ALMS1: variants seen among roughly 807,000 people sequenced by gnomAD.
ALMS1 encodes centrosome-associated protein ALMS1.
Under a neutral mutation model 352.2 loss-of-function variants are expected in ALMS1, and 271 were observed. That is an observed-to-expected ratio of 0.77 (90% CI 0.70 to 0.85). ALMS1 has a LOEUF of 0.85. Among genes scored for constraint, ALMS1 ranks in the 40% least tolerant of loss-of-function variants. ALMS1 has a pLI of 0.00. For synonymous variants in ALMS1, 1,865 were observed against 1,761.2 expected, an observed-to-expected ratio of 1.06 and a Z score of -1.48; for missense variants, 5,445 against 4,870.7, an observed-to-expected ratio of 1.12 and a Z score of -3.51.
chr2:73,554,644 C>T (rs1162812607), intron 13 of ALMS1, among the ~76,000 whole-genome samples: 5 of 151,988 alleles, frequency 3.3e-5, no homozygotes, highest in Admixed American at 1.3e-4. Flanking sequence ...ACCTGGGAGG[C>T]GGAGCTTGCA....
At chr2:73,578,833 A>G (rs1675108995) in intron 16 of ALMS1, among the ~76,000 whole-genome samples, 1 of 152,168 alleles carries the variant, frequency 6.6e-6, no homozygotes, top group Non-Finnish European at 1.5e-5. Flanking sequence ...TACAAACCAG[A>G]AGTATAATAG....
Position 73,550,427 on chromosome 2 carries a change from T to C in ALMS1, c.10068T>C (p.Asn3356=). The C allele has an allele frequency of 6.2e-7, 1 of 1,614,140 alleles. No homozygotes were observed. Among genetic ancestry groups the C allele is most frequent in the Non-Finnish European group, 8.5e-7 (1 of 1,179,978 alleles). The change falls in exon 13 of 23, where the codon AAT becomes AAC. Residue 3356 remains asparagine, a synonymous_variant. Coordinates refer to ENST00000613296, the MANE Select transcript of ALMS1 (RefSeq NM_001378454.1). ...SLPVGEKPLQ[N]ENADASVQVL... is the part of the protein sequence containing the mutation. ...CAGTGGGAGAAAAACCCTTGCAGAA[T>C]GAAAATGCAGGTAACTGGATTGGCT... is the stretch of plus-strand genomic sequence containing the variant.
At chr2:73,571,731 T>A (rs185295562) in intron 15 of ALMS1, among the ~76,000 whole-genome samples, 5 of 151,696 alleles carry the variant, frequency 3.3e-5, no homozygotes, top group East Asian at 3.9e-4. Flanking sequence ...TAAAAAAAAA[T>A]TTGGAAAAAA....
In ALMS1 at chr2:73,519,933, G is replaced by A. The variant is rs781167098; in HGVS notation, c.9698G>A (p.Gly3233Asp). Reference protein sequence around the residue: ...EDRGHEIIEPGNQKLRKAPVK... With the variant: ...EDRGHEIIEPDNQKLRKAPVK... ...CGTGGACATGAAATTATAGAGCCTG[G>A]TAACCAGAAGCTACGCAAAGCTCCT... The change falls in exon 11 of 23, where the codon GGT becomes GAT. Residue 3233 changes from glycine to aspartate, a missense_variant. Physicochemically the swap from Gly to Asp is moderately conservative, Grantham distance 94. Coordinates refer to ENST00000613296, the MANE Select transcript of ALMS1 (RefSeq NM_001378454.1). 1 of 1,613,942 alleles carries A rather than the reference G, an allele frequency of 6.2e-7. No individual in the cohort carries two copies. Among genetic ancestry groups the A allele is most frequent in the African/African-American group, 1.3e-5 (1 of 74,894 alleles).
chr2:73,395,069 TA>T (rs1670731247), intron 1 of ALMS1, among the ~76,000 whole-genome samples: 1 of 117,078 alleles, frequency 8.5e-6, no homozygotes, highest in African/African-American at 4.1e-5. Flanking sequence ...TGTATATATA[TA>T]TATATATATT....
At position 73,386,272 on chromosome 2, in the gene ALMS1, A is replaced by T. The variant is rs956885717; in HGVS notation, c.324+80A>T. ...GGCCCCGAGCGCTCCGCCCGCCCGCAGGTCACGCCGCCTGACGGAGAAAAC... is the reference window on the plus strand; with the variant it reads ...GGCCCCGAGCGCTCCGCCCGCCCGCTGGTCACGCCGCCTGACGGAGAAAAC... On this transcript the variant is annotated intron_variant, in intron 1 of 22. Transcript: ENST00000613296. 4.2e-6 allele frequency: 6 copies of T among 1,415,958 alleles called. No individual in the cohort carries two copies. In the Admixed American group the frequency reaches 1.7e-4, roughly 40 times the overall value. The allele number at this position is 1,415,958 out of a possible 1,614,324, so 87.7% of individuals were successfully genotyped here.
chr2:73,484,472 G>A (rs1672783283), intron 9 of ALMS1, among the ~76,000 whole-genome samples: 2 of 151,322 alleles, frequency 1.3e-5, no homozygotes, highest in South Asian at 4.2e-4. Context: ...TCCCTTTGTG[G>A]GTAATCCGAC....
intron 10 of ALMS1, among the ~76,000 whole-genome samples, chr2:73,495,027 C>A (rs1041429890): frequency 2.6e-5 from 4 of 152,046 alleles, no homozygotes; most frequent in African/African-American, 9.7e-5. Context: ...CTCATTTATT[C>A]CGCCCTAGGT....
chr2:73,543,501 C>A (rs1454940565), intron 12 of ALMS1, among the ~76,000 whole-genome samples: 1 of 152,054 alleles, frequency 6.6e-6, no homozygotes, highest in Non-Finnish European at 1.5e-5. Flanking sequence ...GCAACAAAAG[C>A]CAAAATTGAC....
At chr2:73,410,080 G>A (rs1671046855) in intron 2 of ALMS1, among the ~76,000 whole-genome samples, 1 of 152,132 alleles carries the variant, frequency 6.6e-6, no homozygotes, top group Admixed American at 6.5e-5. Context: ...AGATTCAAAT[G>A]TTAATCTCAT....
chr2:73,474,290 TTAAG>T (rs1383824990), intron 9 of ALMS1, among the ~76,000 whole-genome samples: 3 of 151,960 alleles, frequency 2.0e-5, no homozygotes, highest in African/African-American at 4.8e-5. Flanking sequence ...TTATTGATTT[TTAAG>T]TAAGTTTTGT....
rs566913555 is a variant in ALMS1 at position 73,431,856 on chromosome 2, G to A, written c.1339-342G>A. 1.3e-3 allele frequency among the ~76,000 whole-genome samples: 203 copies of A among 152,232 alleles called. 1 individual carries two copies. Among genetic ancestry groups the A allele is most frequent in the African/African-American group, 3.5e-3 (147 of 41,548 alleles). ...AATAATCCCATGGTTCAAATTCTGC[G>A]ATGATCATAAGGAGCAAACTTCTGA... On this transcript the variant is annotated intron_variant, in intron 6 of 22. Coordinates refer to ENST00000613296, the MANE Select transcript of ALMS1 (RefSeq NM_001378454.1).
rs1431117583 is a variant in ALMS1 at position 73,573,335 on chromosome 2, C to T, written c.11458C>T (p.Leu3820Phe). The T allele has an allele frequency of 6.2e-7, 1 of 1,614,034 alleles. No individual in the cohort carries two copies. The highest frequency in any genetic ancestry group is 8.5e-7 in the Non-Finnish European group (1 of 1,179,980). Reference protein sequence around the residue: ...SSITNQQRRYLEKRSKHSKKV... With the variant: ...SSITNQQRRYFEKRSKHSKKV... ...CATCACCAACCAACAGAGGAGATAC[C>T]TTGAGAAGCGGAGCAAACACAGCAA... is the stretch of plus-strand genomic sequence containing the variant. Residue 3820 changes from leucine (L) to phenylalanine (F), a missense_variant, in exon 16 of 23, where the codon CTT (leucine) becomes TTT (phenylalanine). Leu to Phe is a conservative substitution (Grantham distance 22). Transcript: ENST00000613296.
chr2:73,472,917 C>T (rs1266466724), intron 9 of ALMS1, among the ~76,000 whole-genome samples: 3 of 151,964 alleles, frequency 2.0e-5, no homozygotes, highest in African/African-American at 7.3e-5. Flanking sequence ...TATTTAAAAG[C>T]CAGAGTATCA....
intron 9 of ALMS1, among the ~76,000 whole-genome samples, chr2:73,467,729 T>C (rs1672385871): frequency 6.6e-6 from 1 of 152,094 alleles, no homozygotes; most frequent in East Asian, 1.9e-4. Context: ...TTATGCTTTA[T>C]TCATCCAGTG....
chr2:73,393,304 G>A (rs180766840), intron 1 of ALMS1, among the ~76,000 whole-genome samples: 1 of 151,816 alleles, frequency 6.6e-6, no homozygotes, highest in African/African-American at 2.4e-5. Context: ...ATTACATGTA[G>A]GTCTTTGATC....
At position 73,490,949 on chromosome 2, in the gene ALMS1, A is replaced by C. The variant is rs767828663; in HGVS notation, c.8990A>C (p.Lys2997Thr). ...CAAGGTCAGGATTGTGTAGTGGAAA[A>C]GAATAATCAACATAAGCCTAAATCA... Reference protein sequence around the residue: ...LPQGQDCVVEKNNQHKPKSHI... With the variant: ...LPQGQDCVVETNNQHKPKSHI... Residue 2997 changes from lysine (K) to threonine (T), a missense_variant, in exon 10 of 23, where the codon AAG becomes ACG. Physicochemically the swap from Lys to Thr is moderately conservative, Grantham distance 78 (BLOSUM62 -1). Coordinates refer to ENST00000613296, the MANE Select transcript of ALMS1 (RefSeq NM_001378454.1). The C allele has an allele frequency of 6.2e-7, 1 of 1,614,216 alleles. No homozygotes were observed. The highest frequency in any genetic ancestry group is 1.7e-5 in the Admixed American group (1 of 60,028).
At chr2:73,462,845 C>T (rs937386686) in intron 9 of ALMS1, 4 of 151,864 alleles carry the variant, frequency 2.6e-5, no homozygotes, top group Non-Finnish European at 4.4e-5. Flanking sequence ...CAACAAAGAT[C>T]AAAAGAGACA....
rs772526622 is a variant in ALMS1 at position 73,451,756 on chromosome 2, A to G, written c.5229A>G (p.Gln1743=). The G allele has an allele frequency of 1.9e-6, 3 of 1,614,074 alleles. No homozygotes were observed. The highest frequency in any genetic ancestry group is 2.2e-5 in the East Asian group (1 of 44,876). ...CTCTGAAAGTTTCAGCTGTTCCTCA[A>G]CCAGCTGACCAGAAGACTGGGTTAT... ...QEALKVSAVP[Q]PADQKTGLST... is the part of the protein sequence containing the mutation. The change falls in exon 8 of 23, where the codon CAA becomes CAG. Residue 1743 remains glutamine (Q), a synonymous_variant. Coordinates refer to ENST00000613296, the MANE Select transcript of ALMS1 (RefSeq NM_001378454.1).
Sources: allele counts gnomAD v4.1 joint callset (sites outside exome capture counted in the v4.1 genomes callset), GRCh38; gene constraint gnomAD v4.1.1; transcripts MANE v1.5; gene names NCBI Gene and HGNC (gene_info 2026-07-23, HGNC 2026-07-21).